Variants in FBXL20 observed in about 807,000 individuals in gnomAD.
The protein encoded by FBXL20 is F-box/LRR-repeat protein 20.
A neutral mutation model predicts 64.0 loss-of-function variants in FBXL20; 11 were observed. That is an observed-to-expected ratio of 0.17 (90% CI 0.11 to 0.28). The LOEUF (loss-of-function observed/expected upper bound fraction) is 0.28, where lower values mean the gene tolerates loss of function less well. Among genes scored for constraint, FBXL20 ranks in the 10% least tolerant of loss-of-function variants. The pLI, the probability that FBXL20 is intolerant of heterozygous loss-of-function variation, is 1.00. For synonymous variants in FBXL20, 184 were observed against 189.0 expected (o/e 0.97, Z 0.22); for missense variants, 303 against 526.2 (o/e 0.58, Z 4.15).
At chr17:39,329,135 G>A (rs978892582) in intron 2 of FBXL20, among the ~76,000 whole-genome samples, 3 of 152,020 alleles carry the variant, frequency 2.0e-5, no homozygotes, top group Admixed American at 6.6e-5. Flanking sequence ...ACATGACAAC[G>A]AAAAAATCTG....
chr17:39,261,488 C>A lies in FBXL20; in HGVS notation c.1283G>T (p.Arg428Leu). The change falls in exon 15 of 15, where the codon CGC becomes CTC. Residue 428 changes from arginine (R) to leucine (L), a missense_variant. By Grantham distance (102) the Arg-to-Leu change is moderately radical. This residue lies in a region of FBXL20 where 56 missense variants were observed against 86.0 expected (regional missense o/e 0.65). Transcript: ENST00000264658. The stretch of plus-strand genomic sequence containing the variant: ...TAGGATGATGCAGCATCTGCAGAAG[C>A]GCTGTCTGCTGCCCCCTACTGATGG... ...PPPSVGGSRQ[R>L]FCRCCIIL The A allele has an allele frequency of 6.2e-7, 1 of 1,613,890 alleles. No individual in the cohort carries two copies. Among genetic ancestry groups the A allele is most frequent in the Non-Finnish European group, 8.5e-7 (1 of 1,179,784 alleles).
intron 1 of FBXL20, among the ~76,000 whole-genome samples, chr17:39,392,874 G>A (rs1235612907): frequency 2.0e-5 from 3 of 151,868 alleles, no homozygotes; most frequent in Non-Finnish European, 4.4e-5. Flanking sequence ...TTTGCCGGGG[G>A]TAGTGGTGCA....
intron 1 of FBXL20, among the ~76,000 whole-genome samples, chr17:39,364,000 G>A (rs1294882014): frequency 6.9e-6 from 1 of 145,390 alleles, no homozygotes; most frequent in African/African-American, 2.6e-5. Context: ...AGCAATTTTC[G>A]TGCCTCAGCC....
chr17:39,303,761 G>A (rs999254378), intron 2 of FBXL20, 122 bp from the exon 3 acceptor site: 25 of 774,716 alleles, frequency 3.2e-5, no homozygotes, highest in Middle Eastern at 4.2e-4. Context: ...ATCACTGCTC[G>A]CCCCAGCCTT....
chr17:39,297,270 A>T, intron 5 of FBXL20, 75 bp from the exon 6 acceptor site: 2 of 824,912 alleles, frequency 2.4e-6, no homozygotes, highest in Non-Finnish European at 4.0e-6. Context: ...AATAAAATAT[A>T]TTATTATTGG....
chr17:39,262,946 G>A (rs543131841), intron 14 of FBXL20, among the ~76,000 whole-genome samples: 25 of 152,096 alleles, frequency 1.6e-4, no homozygotes, highest in African/African-American at 5.8e-4. Flanking sequence ...AGCTTGCAGT[G>A]AGCCAAGATC....
chr17:39,336,950 C>CCCTCTCCCT lies in FBXL20; in HGVS notation c.104+6221_104+6229dup, dbSNP rs532002490. On this transcript the variant is annotated intron_variant, in intron 2 of 14. Coordinates refer to ENST00000264658, the MANE Select transcript of FBXL20 (RefSeq NM_032875.3). ...ATGTTAAAAATAATAAACGACCTCTCCCTCTCCCTCCTCTCCCTCCTCTCC... is the reference window on the plus strand; with the variant it reads ...ATGTTAAAAATAATAAACGACCTCTCCCTCTCCCTCCTCTCCCTCCTCTCCCTCCTCTCC... 2.0e-5 allele frequency among the ~76,000 whole-genome samples: 3 copies of CCCTCTCCCT among 151,818 alleles called. No individual in the cohort carries two copies. The South Asian group carries it at 6.2e-4, about 32-fold the overall frequency.
chr17:39,375,462 C>T (rs1244439784), intron 1 of FBXL20, among the ~76,000 whole-genome samples: 1 of 152,096 alleles, frequency 6.6e-6, no homozygotes, highest in Non-Finnish European at 1.5e-5. Flanking sequence ...GATACAAGTT[C>T]TATTGTTCCA....
intron 1 of FBXL20, among the ~76,000 whole-genome samples, chr17:39,382,177 C>T (rs562119201): frequency 6.6e-6 from 1 of 151,318 alleles, no homozygotes; most frequent in Non-Finnish European, 1.5e-5. Context: ...GGCGCGGTGG[C>T]TCACGCCTGT....
At chr17:39,299,510 G>C (rs1227817639) in intron 4 of FBXL20, among the ~76,000 whole-genome samples, 2 of 152,102 alleles carry the variant, frequency 1.3e-5, no homozygotes, top group Non-Finnish European at 2.9e-5. Context: ...GGCCAGGCAC[G>C]GTGGCCCACG....
intron 8 of FBXL20, 21 bp downstream of exon 8, chr17:39,282,708 G>A (rs2144390810): frequency 3.7e-6 from 6 of 1,613,562 alleles, no homozygotes; most frequent in Non-Finnish European, 5.1e-6. Flanking sequence ...CGAATTTCAC[G>A]AGCCCTACAT....
intron 2 of FBXL20, among the ~76,000 whole-genome samples, chr17:39,319,114 TGGA>T (rs2047324902): frequency 6.6e-6 from 1 of 151,514 alleles, no homozygotes; most frequent in African/African-American, 2.4e-5. Context: ...CTGGGCATGG[TGGA>T]GCATGCCTGT....
At chr17:39,286,902 T>C (rs936853352) in intron 6 of FBXL20, among the ~76,000 whole-genome samples, 3 of 149,400 alleles carry the variant, frequency 2.0e-5, no homozygotes, top group Non-Finnish European at 4.4e-5. Flanking sequence ...TATTTCAGTA[T>C]CTATTTCTTT....
At chr17:39,366,799 G>A (rs1429089884) in intron 1 of FBXL20, among the ~76,000 whole-genome samples, 6 of 151,820 alleles carry the variant, frequency 4.0e-5, no homozygotes, top group African/African-American at 7.3e-5. Flanking sequence ...ACTTTTGGAA[G>A]CTTTTAGTAT....
At chr17:39,380,104 C>A (rs766717803) in intron 1 of FBXL20, among the ~76,000 whole-genome samples, 3 of 152,166 alleles carry the variant, frequency 2.0e-5, no homozygotes, top group Non-Finnish European at 4.4e-5. Context: ...TCTCCTTTCT[C>A]ATTTATTGCA....
chr17:39,359,180 A>G (rs1025276076), intron 1 of FBXL20, among the ~76,000 whole-genome samples: 1 of 152,136 alleles, frequency 6.6e-6, no homozygotes, highest in Admixed American at 6.6e-5. Flanking sequence ...AAAAAAATAT[A>G]AAAAATTAGC....
intron 6 of FBXL20, among the ~76,000 whole-genome samples, chr17:39,294,058 C>G (rs1274487233): frequency 1.3e-5 from 2 of 151,960 alleles, no homozygotes; most frequent in Non-Finnish European, 2.9e-5. Flanking sequence ...ACATCCTAAA[C>G]TGGTCTTCTA....
rs553372798 is a variant in FBXL20, at chr17:39,261,910, G to A, written c.1204-343C>T. Among the ~76,000 whole-genome samples, 12 of 152,022 alleles carry A rather than the reference G, an allele frequency of 7.9e-5. No homozygotes were observed. In the South Asian group the frequency reaches 1.5e-3, roughly 18 times the overall value. The stretch of plus-strand genomic sequence containing the variant: ...ATCCAGGCTAACATGGTGAAACCCC[G>A]TTTCTACTAAAAATACAAAGGCTAA... On this transcript the variant is annotated intron_variant, in intron 14 of 14. Transcript: ENST00000264658.
chr17:39,381,435 G>A (rs1006371994), intron 1 of FBXL20, among the ~76,000 whole-genome samples: 7 of 144,002 alleles, frequency 4.9e-5, no homozygotes, highest in African/African-American at 1.0e-4. Flanking sequence ...AGACAAGATC[G>A]TGCCACTGCA....
Sources: gnomAD v4.1 joint callset for allele counts (sites outside exome capture counted in the v4.1 genomes callset) on GRCh38, gnomAD v4.1.1 for gene constraint, gnomAD v4.1.1 regional missense constraint, MANE v1.5 for transcripts, NCBI Gene and HGNC (gene_info 2026-07-23, HGNC 2026-07-21) for gene names.